Variants in PHACTR2 observed in about 807,000 individuals in gnomAD.
PHACTR2 encodes phosphatase and actin regulator 2.
Under a neutral mutation model 76.0 loss-of-function variants are expected in PHACTR2, and 30 were observed. The ratio of observed to expected loss-of-function variants is 0.39; its 90% CI spans 0.30 to 0.54. The LOEUF (loss-of-function observed/expected upper bound fraction) is 0.54. Ranked by LOEUF, PHACTR2 falls within the 20% of genes least tolerant of loss-of-function variation. The pLI, the probability that PHACTR2 is intolerant of heterozygous loss-of-function variation, is 0.61. For missense variants in PHACTR2, 696 were observed against 781.1 expected (o/e 0.89, Z 1.30); for synonymous variants, 292 against 292.5 (o/e 1.00, Z 0.02).
chr6:143,678,036 A>T lies in PHACTR2; in HGVS notation c.-128A>T. The T allele has an allele frequency of 6.6e-7, 1 of 1,518,696 alleles. No homozygotes were observed. Among genetic ancestry groups the T allele is most frequent in the Non-Finnish European group, 8.8e-7 (1 of 1,130,396 alleles). 94.1% of individuals were successfully genotyped at this position (1,518,696 alleles called of 1,614,324 possible). A position where few individuals can be genotyped will look rare whatever the true frequency, so the allele number is the denominator to read the frequency against. ...GGAGACCCGCGCGGGGTAGAAGGTGAGGGGACCCGGCGGGCCGCTCGGCAC... is the reference window on the plus strand; with the variant it reads ...GGAGACCCGCGCGGGGTAGAAGGTGTGGGGACCCGGCGGGCCGCTCGGCAC... On this transcript the variant is annotated 5_prime_UTR_variant, in exon 1 of 13. Coordinates refer to ENST00000440869, the MANE Select transcript of PHACTR2 (RefSeq NM_001100164.2). This position sits in a 1 kb window ranked among gnomAD's most constrained non-coding sequence, Gnocchi z 6.2.
chr6:143,575,766 C>T (rs1018900146), intron 1 of PHACTR2, among the ~76,000 whole-genome samples: 2 of 151,806 alleles, frequency 1.3e-5, no homozygotes, highest in Non-Finnish European at 2.9e-5. Context: ...ATTTTAAAAC[C>T]TTTATTGAAC....
Position 143,539,885 on chromosome 6 carries a change from C to T in PHACTR2, c.217+2678C>T, listed in dbSNP as rs556179505. Among the ~76,000 whole-genome samples the T allele has an allele frequency of 1.1e-3, 172 of 152,240 alleles. 1 individual carries two copies. The highest frequency in any genetic ancestry group is 3.8e-3 in the African/African-American group (158 of 41,524). ...TAGGAATTGCTTGGGGAGTTAACAA[C>T]GAAGCAACCTGTGGCTGGGTCGCAC... On this transcript the variant is annotated intron_variant, in intron 1 of 11. Coordinates refer to the PHACTR2 transcript ENST00000367584. The surrounding 1 kb of genome is among the most constrained non-coding windows in gnomAD (Gnocchi z 4.3).
intron 1 of PHACTR2, among the ~76,000 whole-genome samples, chr6:143,634,125 C>A (rs577643605): frequency 1.3e-5 from 2 of 152,270 alleles, no homozygotes; most frequent in South Asian, 2.1e-4. Flanking sequence ...AGCTCTGAGT[C>A]CCATGTTGGC....
In PHACTR2 at chr6:143,670,387, G is replaced by A. The variant is rs114074827; in HGVS notation, c.14-41629G>A. On this transcript the variant is annotated intron_variant, in intron 1 of 11. Coordinates refer to the PHACTR2 transcript ENST00000305766. ...GTATTTCCCGAATTTGAATGTTGGC[G>A]TGTCTTGTTAGGTTGGGAGAGTTCC... 2.2e-3 allele frequency among the ~76,000 whole-genome samples: 329 copies of A among 152,222 alleles called. 2 individuals are homozygous for A. Among genetic ancestry groups the A allele is most frequent in the African/African-American group, 7.2e-3 (298 of 41,544 alleles).
chr6:143,643,244 G>T (rs927060796), intron 1 of PHACTR2, among the ~76,000 whole-genome samples: 1 of 151,958 alleles, frequency 6.6e-6, no homozygotes, highest in Non-Finnish European at 1.5e-5. Context: ...TACTTGATTG[G>T]CTTCAGAAGT....
rs908654431 is a variant in PHACTR2, at chr6:143,782,079, G to A, written c.1646-1140G>A. On this transcript the variant is annotated intron_variant, in intron 9 of 12. Coordinates refer to ENST00000440869, the MANE Select transcript of PHACTR2 (RefSeq NM_001100164.2). This position sits in a 1 kb window ranked among gnomAD's most constrained non-coding sequence, Gnocchi z 4.6. ...GTAAAAATAATCTTAGTTGTAAGAAGTCTATTTGAATTATAAAATAAATAT... is the reference window on the plus strand; with the variant it reads ...GTAAAAATAATCTTAGTTGTAAGAAATCTATTTGAATTATAAAATAAATAT... 5.3e-5 allele frequency among the ~76,000 whole-genome samples: 8 copies of A among 152,138 alleles called. No homozygotes were observed. Among genetic ancestry groups the A allele is most frequent in the Non-Finnish European group, 7.4e-5 (5 of 68,012 alleles).
rs971048755 is a variant in PHACTR2 at position 143,658,995 on chromosome 6, G to T, written c.13+50673G>T. On this transcript the variant is annotated intron_variant, in intron 1 of 11. Coordinates refer to the PHACTR2 transcript ENST00000305766. This position sits in a 1 kb window ranked among gnomAD's most constrained non-coding sequence, Gnocchi z 4.1. Reference sequence around the variant, plus strand: ...GCTGAGATCATGCCACTGCACTCCAGCCTGGGCAACAAAGCAAGATTCTGT... The same window carrying T: ...GCTGAGATCATGCCACTGCACTCCATCCTGGGCAACAAAGCAAGATTCTGT... Among the ~76,000 whole-genome samples the T allele has an allele frequency of 6.7e-6, 1 of 149,682 alleles. No individual in the cohort carries two copies. Among genetic ancestry groups the T allele is most frequent in the African/African-American group, 2.5e-5 (1 of 40,296 alleles).
At chr6:143,629,931 C>T (rs544804954) in intron 1 of PHACTR2, among the ~76,000 whole-genome samples, 4 of 152,208 alleles carry the variant, frequency 2.6e-5, no homozygotes, top group African/African-American at 9.6e-5. Flanking sequence ...TCATAGCCTT[C>T]GTGAGTGAGC....
chr6:143,677,986 G>C lies in PHACTR2; in HGVS notation c.-178G>C. On this transcript the variant is annotated 5_prime_UTR_variant, in exon 1 of 13. Coordinates refer to ENST00000440869, the MANE Select transcript of PHACTR2 (RefSeq NM_001100164.2). Reference sequence around the variant, plus strand: ...AGGCATCCGCTGGGCAGGATCCGCCGCGCCGGCTGCGGCCGGCCGGGCTGG... The same window carrying C: ...AGGCATCCGCTGGGCAGGATCCGCCCCGCCGGCTGCGGCCGGCCGGGCTGG... 1 of 1,369,116 alleles carries C rather than the reference G, an allele frequency of 7.3e-7. No homozygotes were observed. The highest frequency in any genetic ancestry group is 9.5e-7 in the Non-Finnish European group (1 of 1,048,792). The allele number at this position is 1,369,116 out of a possible 1,614,324, so 84.8% of individuals were successfully genotyped here. A position where few individuals can be genotyped will look rare whatever the true frequency, so the allele number is the denominator to read the frequency against.
intron 6 of PHACTR2, among the ~76,000 whole-genome samples, chr6:143,768,250 C>T (rs891690573): frequency 6.6e-6 from 1 of 152,214 alleles, no homozygotes; most frequent in Non-Finnish European, 1.5e-5. Flanking sequence ...TATTTTCCAA[C>T]ATTGCCATCA....
intron 6 of PHACTR2, among the ~76,000 whole-genome samples, chr6:143,771,857 T>C (rs1195346985): frequency 6.6e-6 from 1 of 152,066 alleles, no homozygotes; most frequent in Non-Finnish European, 1.5e-5. Context: ...AAGCAATGGG[T>C]GGTCAAGATG....
intron 2 of PHACTR2, among the ~76,000 whole-genome samples, chr6:143,720,163 C>A (rs1388334738): frequency 6.6e-6 from 1 of 152,090 alleles, no homozygotes; most frequent in East Asian, 1.9e-4. Flanking sequence ...CCATCTTCAT[C>A]TATTGTATGT....
At position 143,821,033 on chromosome 6, in the gene PHACTR2, G is replaced by T. The variant is rs1022028287; in HGVS notation, c.1923-2641G>T. Among the ~76,000 whole-genome samples the T allele has an allele frequency of 1.4e-4, 22 of 152,260 alleles. No individual in the cohort carries two copies. Among genetic ancestry groups the T allele is most frequent in the Admixed American group, 1.0e-3 (16 of 15,286 alleles). On this transcript the variant is annotated intron_variant, in intron 12 of 12. Transcript: ENST00000440869. The surrounding 1 kb of genome is among the most constrained non-coding windows in gnomAD (Gnocchi z 5.2). Reference sequence around the variant, plus strand: ...TCTGGGGCCCTTTGCGCCAAGGCTGGAGCCAAAGTGGCTGGGATGCAGGGA... The same window carrying T: ...TCTGGGGCCCTTTGCGCCAAGGCTGTAGCCAAAGTGGCTGGGATGCAGGGA...
At position 143,757,712 on chromosome 6, in the gene PHACTR2, T is replaced by C. The variant is rs375361444; in HGVS notation, c.455-2689T>C. On this transcript the variant is annotated intron_variant, in intron 4 of 12. Transcript: ENST00000440869. The surrounding 1 kb of genome is among the most constrained non-coding windows in gnomAD (Gnocchi z 4.2). ...GTTTATATCATGTCTTCAGATCACA[T>C]GGTAAGTGTAAAATATACAACTTGA... Among the ~76,000 whole-genome samples, 8 of 152,332 alleles carry C rather than the reference T, an allele frequency of 5.3e-5. No homozygotes were observed. The highest frequency in any genetic ancestry group is 1.4e-4 in the African/African-American group (6 of 41,574).
rs568117204 is a variant in PHACTR2 at position 143,570,898 on chromosome 6, A to G, written c.217+33691A>G. 3.3e-5 allele frequency among the ~76,000 whole-genome samples: 5 copies of G among 152,148 alleles called. No individual in the cohort carries two copies. The highest frequency in any genetic ancestry group is 1.2e-4 in the African/African-American group (5 of 41,504). ...GACAATTGCCCTGATTCCCTAACCT[A>G]AGGGATGGCTCTGCAAGTGGTGATC... is the stretch of plus-strand genomic sequence containing the variant. On this transcript the variant is annotated intron_variant, in intron 1 of 11. Transcript: ENST00000367584. The surrounding 1 kb of genome is among the most constrained non-coding windows in gnomAD (Gnocchi z 4.6).
At chr6:143,577,495 G>T (rs1224211098) in intron 1 of PHACTR2, among the ~76,000 whole-genome samples, 2 of 152,040 alleles carry the variant, frequency 1.3e-5, no homozygotes, top group African/African-American at 2.4e-5. Flanking sequence ...AAAAAAAGGT[G>T]TGAAAAAAAC....
chr6:143,620,566 G>C (rs1038478820), intron 1 of PHACTR2, among the ~76,000 whole-genome samples: 2 of 151,826 alleles, frequency 1.3e-5, no homozygotes, highest in Non-Finnish European at 2.9e-5. Context: ...CATCAGTTCT[G>C]CTTTTATAGA....
intron 1 of PHACTR2, among the ~76,000 whole-genome samples, chr6:143,565,434 C>T (rs553117283): frequency 9.2e-5 from 14 of 151,864 alleles, no homozygotes; most frequent in South Asian, 8.3e-4. Flanking sequence ...CTGGCTAACA[C>T]GGTGAAACCC....
rs768723628 is a variant in PHACTR2 at position 143,597,293 on chromosome 6, A to G, written c.217+60086A>G. Among the ~76,000 whole-genome samples the G allele has an allele frequency of 1.4e-4, 22 of 152,164 alleles. No individual in the cohort carries two copies. The highest frequency in any genetic ancestry group is 2.5e-4 in the Non-Finnish European group (17 of 68,020). On this transcript the variant is annotated intron_variant, in intron 1 of 11. Transcript: ENST00000367584. The surrounding 1 kb of genome is among the most constrained non-coding windows in gnomAD (Gnocchi z 5.7). The stretch of plus-strand genomic sequence containing the variant: ...AAGGAATATTGAGGTGGTCTAGGGT[A>G]TCTCAGTGGTTTTGCTTTTTTGCCT...
Sources: gnomAD v4.1 joint callset for allele counts (sites outside exome capture counted in the v4.1 genomes callset) on GRCh38, gnomAD v4.1.1 for gene constraint, Gnocchi (gnomAD v3.1) non-coding constraint, MANE v1.5 for transcripts, NCBI Gene and HGNC (gene_info 2026-07-23, HGNC 2026-07-21) for gene names.